Variants in NPIPB2 observed in about 807,000 individuals in gnomAD.
NPIPB2 encodes the protein nuclear pore complex-interacting protein family member B2.
NPIPB2 carries 27 observed loss-of-function variants against 30.8 expected under a neutral mutation model. The observed-to-expected ratio is 0.88, with a 90% CI of 0.65 to 1.21. The LOEUF is 1.21. NPIPB2 is among the 50% of genes most tolerant of loss of function. NPIPB2 has a pLI of 0.00. For synonymous variants in NPIPB2, 147 were observed against 162.0 expected (o/e 0.91, Z 0.70); for missense variants, 440 against 446.2 (o/e 0.99, Z 0.13).
At chr16:11,934,088 G>A (rs1283953534) in intron 2 of NPIPB2, among the ~76,000 whole-genome samples, 164 bp from the exon 3 acceptor site, 19 of 151,576 alleles carry the variant, frequency 1.3e-4, no homozygotes, top group Admixed American at 1.3e-4. Flanking sequence ...AAAATTAGCC[G>A]GGCATGGCAG....
At chr16:11,945,031 A>T (rs1276549949), upstream of NPIPB2, among the ~76,000 whole-genome samples, 3 of 151,508 alleles carry the variant, frequency 2.0e-5, no homozygotes, top group Admixed American at 6.6e-5. Context: ...ATAAAAAAAA[A>T]AAAAAATTAG....
chr16:11,951,787 G>C (rs1221152161), intron 1 of NPIPB2, among the ~76,000 whole-genome samples: 1 of 151,800 alleles, frequency 6.6e-6, no homozygotes, highest in Non-Finnish European at 1.5e-5. Context: ...CAGCACTTTG[G>C]GAGGCCGAGG....
At chr16:11,951,888 G>C (rs576353274) in intron 1 of NPIPB2, among the ~76,000 whole-genome samples, 3 of 152,000 alleles carry the variant, frequency 2.0e-5, no homozygotes, top group Admixed American at 1.3e-4. Flanking sequence ...GGCTGGGCGC[G>C]GTGGCTCACG....
intron 1 of NPIPB2, chr16:11,964,980 C>G (rs2055181970): frequency 2.8e-6 from 1 of 355,826 alleles, no homozygotes; most frequent in Non-Finnish European, 5.2e-6. Context: ...GAACATTCGG[C>G]TTGATGCTGT....
intron 1 of NPIPB2, among the ~76,000 whole-genome samples, chr16:11,952,158 A>C (rs564317760): frequency 0.012 from 1,254 of 107,714 alleles, 10 homozygotes; most frequent in South Asian, 0.014. Context: ...GCCTCAAAAA[A>C]AAAAACAAAA....
chr16:11,975,677 G>A (rs898330469), intron 1 of NPIPB2, among the ~76,000 whole-genome samples: 3 of 151,484 alleles, frequency 2.0e-5, no homozygotes, highest in Non-Finnish European at 2.9e-5. Context: ...TGAAACCTCT[G>A]CCTCCCGGGT....
chr16:11,927,424 G>C, exon 8 of NPIPB2: 1 of 1,151,446 alleles, frequency 8.7e-7, no homozygotes, highest in Non-Finnish European at 1.3e-6. Context: ...TCCGCCTCTT[G>C]GGCTCGGGTG....
At chr16:11,944,920 T>C (rs935665188), upstream of NPIPB2, among the ~76,000 whole-genome samples, 1 of 151,848 alleles carries the variant, frequency 6.6e-6, no homozygotes, top group African/African-American at 2.4e-5. Context: ...GGCTCATGCC[T>C]GTAATCCCAG....
chr16:11,933,347 G>C (rs1228512925), intron 4 of NPIPB2, among the ~76,000 whole-genome samples, 170 bp downstream of exon 4: 4 of 151,694 alleles, frequency 2.6e-5, no homozygotes, highest in Non-Finnish European at 5.9e-5. Flanking sequence ...AATGTAGGAA[G>C]GGAAAGGAAT....
intron 1 of NPIPB2, among the ~76,000 whole-genome samples, chr16:11,938,731 CTAAGTATAAAG>C: frequency 6.6e-6 from 1 of 152,066 alleles, no homozygotes; most frequent in Non-Finnish European, 1.5e-5. Context: ...GTAAGACAAG[CTAAGTATAAAG>C]TAATTATCTT....
At chr16:11,938,090 C>T (rs2054891586) in intron 1 of NPIPB2, among the ~76,000 whole-genome samples, 1 of 152,316 alleles carries the variant, frequency 6.6e-6, no homozygotes, top group South Asian at 2.1e-4. Context: ...GCAATCTCGG[C>T]TCACTGCAAC....
At chr16:11,952,956 A>G (rs1054777009) in intron 1 of NPIPB2, among the ~76,000 whole-genome samples, 2 of 152,042 alleles carry the variant, frequency 1.3e-5, no homozygotes, top group Non-Finnish European at 2.9e-5. Context: ...TGCCCCTTGG[A>G]TTCTAAAAAG....
intron 1 of NPIPB2, among the ~76,000 whole-genome samples, chr16:11,972,283 A>C (rs1419994000): frequency 1.3e-5 from 2 of 152,052 alleles, no homozygotes; most frequent in East Asian, 3.9e-4. Context: ...CCTACTAAGG[A>C]GTCTGTTCTG....
intron 1 of NPIPB2, chr16:11,967,657 C>T (rs140545031): frequency 4.3e-5 from 70 of 1,613,996 alleles, no homozygotes; most frequent in Non-Finnish European, 5.4e-5. Context: ...CTCGAGTACA[C>T]GGTGGAAGAA....
chr16:11,963,380 C>CA (rs35810741), intron 1 of NPIPB2, among the ~76,000 whole-genome samples: 9,007 of 62,280 alleles, frequency 0.14, 571 homozygotes, highest in African/African-American at 0.3. Flanking sequence ...AACTCCAGCT[C>CA]AAAAAAAAAA....
In NPIPB2 at chr16:11,966,206, T is replaced by G. The variant is rs751904124; in HGVS notation, c.-584+10362A>C. 8.7e-6 allele frequency: 14 copies of G among 1,613,008 alleles called. No individual in the cohort carries two copies. The Admixed American group carries it at 1.0e-4, about 12-fold the overall frequency. On this transcript the variant is annotated intron_variant, in intron 1 of 5. Coordinates refer to the NPIPB2 transcript ENST00000538896. ...TTCTTTTCATAAAGGTGTGACCAATTCAGTGAAAGGAACGAATGCGATTCT... is the reference window on the plus strand; with the variant it reads ...TTCTTTTCATAAAGGTGTGACCAATGCAGTGAAAGGAACGAATGCGATTCT...
At chr16:11,961,819 G>A (rs2055155076) in intron 1 of NPIPB2, among the ~76,000 whole-genome samples, 1 of 151,234 alleles carries the variant, frequency 6.6e-6, no homozygotes, top group African/African-American at 2.4e-5. Flanking sequence ...TGTATAATAT[G>A]CTCTATCTGC....
chr16:11,947,718 A>T (rs910589560), intron 1 of NPIPB2, among the ~76,000 whole-genome samples: 9 of 151,914 alleles, frequency 5.9e-5, no homozygotes, highest in East Asian at 1.9e-4. Context: ...ATAATTTTTT[A>T]AAAAAAGAAT....
At chr16:11,937,956 G>T (rs1853205432) in intron 1 of NPIPB2, among the ~76,000 whole-genome samples, 1 of 152,126 alleles carries the variant, frequency 6.6e-6, no homozygotes, top group South Asian at 2.1e-4. Context: ...AAGAAGCAAA[G>T]TTGTCTTGAG....
Sources: gnomAD v4.1 joint callset for allele counts (sites outside exome capture counted in the v4.1 genomes callset) on GRCh38, gnomAD v4.1.1 for gene constraint, MANE v1.5 for transcripts, NCBI Gene and HGNC (gene_info 2026-07-23, HGNC 2026-07-21) for gene names.